COL19A1: variants seen among roughly 807,000 people sequenced by gnomAD.
COL19A1 encodes the protein collagen alpha-1(XIX) chain.
A neutral mutation model predicts 190.2 loss-of-function variants in COL19A1; 159 were observed. That is an observed-to-expected ratio of 0.84 (90% CI 0.73 to 0.95). COL19A1 has a LOEUF of 0.95. Ranked by LOEUF, COL19A1 falls within the 40% of genes least tolerant of loss-of-function variation. COL19A1 has a pLI of 0.00. For missense variants in COL19A1, 1,418 were observed against 1,431.9 expected, an observed-to-expected ratio of 0.99 and a Z score of 0.16; for synonymous variants, 509 against 458.9, an observed-to-expected ratio of 1.11 and a Z score of -1.39.
At chr6:70,042,924 A>G (rs1779702810) in intron 14 of COL19A1, among the ~76,000 whole-genome samples, 1 of 152,180 alleles carries the variant, frequency 6.6e-6, no homozygotes, top group South Asian at 2.1e-4. Context: ...CCACATCTTC[A>G]GGCTTCACTT....
chr6:70,094,526 T>G (rs138127780), intron 15 of COL19A1, among the ~76,000 whole-genome samples: 140 of 152,296 alleles, frequency 9.2e-4, no homozygotes, highest in Non-Finnish European at 1.5e-3. Flanking sequence ...GTGCCATCCC[T>G]TAAGTCCAAT....
At chr6:70,071,879 G>T (rs941672582) in intron 15 of COL19A1, among the ~76,000 whole-genome samples, 14 of 152,130 alleles carry the variant, frequency 9.2e-5, no homozygotes, top group Non-Finnish European at 2.1e-4. Context: ...TTAAAATTTG[G>T]AACAAAGTAA....
chr6:69,997,021 A>G (rs1776952106), intron 11 of COL19A1, among the ~76,000 whole-genome samples: 1 of 144,304 alleles, frequency 6.9e-6, no homozygotes, highest in Non-Finnish European at 1.5e-5. Context: ...ATACATATAT[A>G]TATATAGAGA....
At chr6:70,130,975 A>T (rs548169755) in intron 18 of COL19A1, 1 of 435,704 alleles carries the variant, frequency 2.3e-6, no homozygotes, top group East Asian at 7.4e-5. Flanking sequence ...GTAGTGGTTT[A>T]ACCAAATAAT....
At chr6:69,918,783 A>C (rs960525201) in intron 4 of COL19A1, among the ~76,000 whole-genome samples, 1 of 152,168 alleles carries the variant, frequency 6.6e-6, no homozygotes, top group African/African-American at 2.4e-5. Flanking sequence ...GGGATAATAA[A>C]GGAAAGGCAG....
At chr6:70,157,824 T>G (rs1250621870) in intron 34 of COL19A1, among the ~76,000 whole-genome samples, 2 of 152,138 alleles carry the variant, frequency 1.3e-5, no homozygotes, top group African/African-American at 4.8e-5. Context: ...AAAGGTAGGC[T>G]TTAGAGGCAA....
intron 46 of COL19A1, 54 bp downstream of exon 46, chr6:70,184,969 C>T (rs997051793): frequency 2.6e-6 from 4 of 1,545,764 alleles, no homozygotes; most frequent in Non-Finnish European, 3.5e-6. Flanking sequence ...ACAACTGTCC[C>T]ATCATTTGAG....
intron 4 of COL19A1, among the ~76,000 whole-genome samples, chr6:69,921,239 C>T (rs905760015): frequency 3.9e-5 from 5 of 128,686 alleles, no homozygotes; most frequent in Non-Finnish European, 6.2e-5. Context: ...TATTATATAT[C>T]CATATATGTC....
At chr6:70,207,110 T>A in intron 50 of COL19A1, 37 bp from the exon 51 acceptor site, 1 of 1,604,318 alleles carries the variant, frequency 6.2e-7, no homozygotes, top group Non-Finnish European at 8.5e-7. Context: ...AAGGGCCATA[T>A]GTGATCTGCA....
At chr6:69,891,518 G>T (rs144805835) in intron 2 of COL19A1, among the ~76,000 whole-genome samples, 139 of 152,300 alleles carry the variant, frequency 9.1e-4, no homozygotes, top group Middle Eastern at 6.8e-3. Context: ...AGGCATGCCT[G>T]GTTTTCTTCT....
intron 14 of COL19A1, among the ~76,000 whole-genome samples, chr6:70,066,946 T>A (rs1228809986): frequency 6.6e-6 from 1 of 152,128 alleles, no homozygotes; most frequent in Non-Finnish European, 1.5e-5. Context: ...CCAAAAACTT[T>A]TATTGGAGTG....
At chr6:70,024,291 A>G (rs1281640922) in intron 12 of COL19A1, among the ~76,000 whole-genome samples, 2 of 152,164 alleles carry the variant, frequency 1.3e-5, no homozygotes, top group African/African-American at 4.8e-5. Flanking sequence ...TCTGAAATGT[A>G]ATTTTATTTA....
At chr6:70,087,525 G>A (rs1377218484) in intron 15 of COL19A1, among the ~76,000 whole-genome samples, 1 of 152,102 alleles carries the variant, frequency 6.6e-6, no homozygotes, top group Admixed American at 6.6e-5. Context: ...GAGTCCACAC[G>A]GAAAGGCAGA....
At chr6:70,154,112 C>T (rs1347290665) in intron 31 of COL19A1, among the ~76,000 whole-genome samples, 2 of 149,362 alleles carry the variant, frequency 1.3e-5, no homozygotes, top group African/African-American at 2.5e-5. Context: ...CCCCTACCCC[C>T]CCCAACCCCC....
intron 4 of COL19A1, among the ~76,000 whole-genome samples, chr6:69,927,352 G>A (rs552429355): frequency 1.3e-5 from 2 of 152,082 alleles, no homozygotes; most frequent in Non-Finnish European, 2.9e-5. Flanking sequence ...TGATTTATTT[G>A]TATGACAATA....
In COL19A1 at chr6:70,156,147, A is replaced by G; in HGVS notation, c.2100A>G (p.Gln700=). 6.2e-7 allele frequency: 1 copy of G among 1,613,068 alleles called. No homozygotes were observed. The highest frequency in any genetic ancestry group is 8.5e-7 in the Non-Finnish European group (1 of 1,179,484). Reference sequence around the variant, plus strand: ...ATTAGAATTTCTGTGGCAACTGCCAAGCCAGTGTCCCAGGGCTGAAAAGCA... The same window carrying G: ...ATTAGAATTTCTGTGGCAACTGCCAGGCCAGTGTCCCAGGGCTGAAAAGCA... ...ALLKNFCGNC[Q]ASVPGLKSNK... The change falls in exon 32 of 51, where the codon CAA becomes CAG. Residue 700 remains glutamine (Q), a synonymous_variant. Coordinates refer to ENST00000620364, the MANE Select transcript of COL19A1 (RefSeq NM_001858.6).
intron 11 of COL19A1, among the ~76,000 whole-genome samples, chr6:69,977,224 T>C (rs1315212576): frequency 6.6e-6 from 1 of 152,106 alleles, no homozygotes; most frequent in African/African-American, 2.4e-5. Context: ...CATGCAATAC[T>C]ATGCAGCCAT....
intron 49 of COL19A1, among the ~76,000 whole-genome samples, chr6:70,200,105 C>T (rs962228688): frequency 6.6e-6 from 1 of 152,098 alleles, no homozygotes; most frequent in African/African-American, 2.4e-5. Flanking sequence ...AAGCAAGTCT[C>T]CATCATCTGA....
intron 1 of COL19A1, among the ~76,000 whole-genome samples, chr6:69,869,801 G>C (rs996377656): frequency 4.6e-5 from 7 of 152,196 alleles, no homozygotes. Context: ...AGAATGGAGA[G>C]AATAGGTTAA....
Sources: gnomAD v4.1 joint callset for allele counts (sites outside exome capture counted in the v4.1 genomes callset) on GRCh38, gnomAD v4.1.1 for gene constraint, MANE v1.5 for transcripts, NCBI Gene and HGNC (gene_info 2026-07-23, HGNC 2026-07-21) for gene names.